The following MTREX variants were observed in gnomAD, a reference collection of about 807,000 sequenced individuals.
MTREX encodes the protein exosome RNA helicase MTR4.
MTREX carries 76 observed loss-of-function variants against 135.4 expected under a neutral mutation model. That is an observed-to-expected ratio of 0.56 (90% CI 0.47 to 0.68). The LOEUF (loss-of-function observed/expected upper bound fraction) is 0.68, where lower values mean the gene tolerates loss of function less well. Among genes scored for constraint, MTREX ranks in the 30% least tolerant of loss-of-function variants. The pLI is 0.00. For synonymous variants in MTREX, 404 were observed against 401.6 expected, an observed-to-expected ratio of 1.01 and a Z score of -0.07; for missense variants, 920 against 1,262.1, an observed-to-expected ratio of 0.73 and a Z score of 4.11.
intron 16 of MTREX, among the ~76,000 whole-genome samples, chr5:55,374,291 ATT>A (rs57731408): frequency 7.2e-5 from 10 of 138,900 alleles, no homozygotes; most frequent in South Asian, 4.5e-4. Context: ...TATATAAACA[ATT>A]TTTTTTTTTT....
intron 26 of MTREX, chr5:55,423,218 A>G: frequency 2.0e-6 from 1 of 509,362 alleles, no homozygotes; most frequent in East Asian, 3.3e-5. Context: ...GCATTGTTTT[A>G]AGCACTAGGG....
chr5:55,361,466 ATAATT>A (rs1269565068), intron 15 of MTREX, among the ~76,000 whole-genome samples: 1 of 152,230 alleles, frequency 6.6e-6, no homozygotes, highest in Non-Finnish European at 1.5e-5. Context: ...GAGCATGTAA[ATAATT>A]TAATGATTGT....
intron 23 of MTREX, among the ~76,000 whole-genome samples, chr5:55,411,260 A>C (rs1750880988): frequency 6.6e-6 from 1 of 152,170 alleles, no homozygotes; most frequent in South Asian, 2.1e-4. Flanking sequence ...TAAAAGTAAG[A>C]TATATTGTTT....
chr5:55,329,807 CATTG>C (rs1372268931), intron 5 of MTREX, among the ~76,000 whole-genome samples: 4 of 150,770 alleles, frequency 2.7e-5, no homozygotes, highest in Non-Finnish European at 5.9e-5. Context: ...TGATTTTTAT[CATTG>C]ATTTTAAGCA....
intron 21 of MTREX, among the ~76,000 whole-genome samples, chr5:55,403,375 A>G (rs1322050634): frequency 2.0e-5 from 3 of 152,174 alleles, no homozygotes; most frequent in Non-Finnish European, 4.4e-5. Flanking sequence ...CTTGTACAGC[A>G]TTGTCTGGTG....
intron 18 of MTREX, among the ~76,000 whole-genome samples, chr5:55,386,719 A>G (rs1465661702): frequency 6.6e-6 from 1 of 152,178 alleles, no homozygotes; most frequent in African/African-American, 2.4e-5. Context: ...AAATCCAACA[A>G]CAGAGTTATC....
At chr5:55,341,245 G>GA (rs945432939) in intron 6 of MTREX, among the ~76,000 whole-genome samples, 2 of 152,156 alleles carry the variant, frequency 1.3e-5, no homozygotes, top group East Asian at 1.9e-4. Flanking sequence ...AAACGAGGCA[G>GA]AAAAAATGGG....
At chr5:55,374,682 A>T (rs182583598) in intron 16 of MTREX, among the ~76,000 whole-genome samples, 1 of 152,332 alleles carries the variant, frequency 6.6e-6, no homozygotes, top group African/African-American at 2.4e-5. Context: ...GACCAGGGCT[A>T]CAACTACAAA....
At chr5:55,343,830 T>C (rs1332743685) in intron 8 of MTREX, among the ~76,000 whole-genome samples, 1 of 152,192 alleles carries the variant, frequency 6.6e-6, no homozygotes, top group Non-Finnish European at 1.5e-5. Flanking sequence ...AAGCTGGGCA[T>C]CTCTGGAGCA....
chr5:55,388,109 A>G lies in MTREX; in HGVS notation c.2181+7A>G. The G allele has an allele frequency of 6.3e-7, 1 of 1,592,894 alleles. No individual in the cohort carries two copies. Among genetic ancestry groups the G allele is most frequent in the South Asian group, 1.1e-5 (1 of 88,632 alleles). On this transcript the variant is annotated splice_region_variant and intron_variant, in intron 19 of 26. Coordinates refer to ENST00000230640, the MANE Select transcript of MTREX (RefSeq NM_015360.5). ...TGAGAAAGGAGAGATGCAGGTTTGT[A>G]CATAACTTTCTGTCTTCTGATTTCA...
At chr5:55,398,406 T>A (rs1025786748) in intron 20 of MTREX, among the ~76,000 whole-genome samples, 7 of 152,198 alleles carry the variant, frequency 4.6e-5, no homozygotes, top group Admixed American at 2.6e-4. Flanking sequence ...TAAGCTGTGT[T>A]CCAATGGTGG....
At chr5:55,371,634 A>T (rs751840502) in intron 16 of MTREX, among the ~76,000 whole-genome samples, 2 of 152,180 alleles carry the variant, frequency 1.3e-5, no homozygotes, top group African/African-American at 2.4e-5. Context: ...CTATCCTTAA[A>T]TTAAGTTAAT....
In MTREX at chr5:55,358,716, G is replaced by A; in HGVS notation, c.1659+18G>A. 2 of 1,567,112 alleles carry A rather than the reference G, an allele frequency of 1.3e-6. No homozygotes were observed. The highest frequency in any genetic ancestry group is 1.7e-6 in the Non-Finnish European group (2 of 1,164,480). On this transcript the variant is annotated intron_variant, in intron 15 of 26. Transcript: ENST00000230640. ...TACTTAAGGTAACTACATTAAGATTGTGTACCTTTACCAAGAATTCCAGAA... is the reference window on the plus strand; with the variant it reads ...TACTTAAGGTAACTACATTAAGATTATGTACCTTTACCAAGAATTCCAGAA...
chr5:55,319,551 CTCTT>C (rs1289166350), intron 1 of MTREX, among the ~76,000 whole-genome samples: 3 of 152,166 alleles, frequency 2.0e-5, no homozygotes, highest in African/African-American at 7.2e-5. Context: ...CAATTTGGTG[CTCTT>C]TCTTGTGCTA....
intron 21 of MTREX, among the ~76,000 whole-genome samples, chr5:55,405,093 G>A (rs370526757): frequency 3.3e-5 from 5 of 151,976 alleles, no homozygotes; most frequent in Non-Finnish European, 5.9e-5. Context: ...CATTGCGCCC[G>A]GCCTCTGTTC....
At chr5:55,326,054 C>G (rs1015415334) in intron 3 of MTREX, among the ~76,000 whole-genome samples, 1 of 152,052 alleles carries the variant, frequency 6.6e-6, no homozygotes, top group Non-Finnish European at 1.5e-5. Flanking sequence ...TTTGATTATT[C>G]AAGATATGTT....
intron 24 of MTREX, among the ~76,000 whole-genome samples, 184 bp from the exon 25 acceptor site, chr5:55,415,786 A>G (rs1247345456): frequency 6.6e-5 from 10 of 152,194 alleles, no homozygotes; most frequent in Non-Finnish European, 1.5e-5. Context: ...AATGGGAAAG[A>G]TTGGCCGTTT....
In MTREX at chr5:55,331,436, C is replaced by G. The variant is rs547139990; in HGVS notation, c.515+2625C>G. Among the ~76,000 whole-genome samples the G allele has an allele frequency of 2.0e-3, 301 of 152,310 alleles. 4 individuals carry two copies. The highest frequency in any genetic ancestry group is 7.0e-3 in the African/African-American group (291 of 41,558). On this transcript the variant is annotated intron_variant, in intron 5 of 26. Transcript: ENST00000230640. ...TTTAGTCTAGGGCTGATTTTCCCCACTACTTAGTCAGTATTCCATGCAGTA... is the reference window on the plus strand; with the variant it reads ...TTTAGTCTAGGGCTGATTTTCCCCAGTACTTAGTCAGTATTCCATGCAGTA...
chr5:55,405,585 G>A lies in MTREX; in HGVS notation c.2642G>A (p.Ser881Asn). 6.2e-7 allele frequency: 1 copy of A among 1,609,454 alleles called. No homozygotes were observed. The highest frequency in any genetic ancestry group is 1.1e-5 in the South Asian group (1 of 90,242). ...EMKGRVACEISSADELLLTEM... is the reference protein window; with the variant it reads ...EMKGRVACEINSADELLLTEM... The stretch of plus-strand genomic sequence containing the variant: ...AAAGGACGAGTGGCTTGTGAGATAA[G>A]CAGGTAAAATCTGGTTATTGTTCTA... The change falls in exon 22 of 27, where the codon AGC becomes AAC. Residue 881 changes from serine (S) to asparagine (N), a missense_variant. Ser to Asn is a conservative substitution (Grantham distance 46, BLOSUM62 1). Transcript: ENST00000230640.
Sources: allele counts gnomAD v4.1 joint callset (sites outside exome capture counted in the v4.1 genomes callset), GRCh38; gene constraint gnomAD v4.1.1; transcripts MANE v1.5; gene names NCBI Gene and HGNC (gene_info 2026-07-23, HGNC 2026-07-21).